Variants in ARL15 observed in about 807,000 individuals in gnomAD.
The protein encoded by ARL15 is ARF like GTPase 15.
In ARL15, 19 loss-of-function variants were observed where a neutral mutation model predicts 25.2. That is an observed-to-expected ratio of 0.75 (90% CI 0.53 to 1.10). ARL15 has a LOEUF of 1.10. Ranked by LOEUF, ARL15 falls within the 50% of genes least tolerant of loss-of-function variation. ARL15 has a pLI of 0.00. For missense variants in ARL15, 220 were observed against 246.0 expected (o/e 0.89, Z 0.71); for synonymous variants, 94 against 86.8 (o/e 1.08, Z -0.46).
chr5:54,160,463 A>C (rs1475679911), intron 2 of ARL15, among the ~76,000 whole-genome samples: 1 of 152,078 alleles, frequency 6.6e-6, no homozygotes, highest in Non-Finnish European at 1.5e-5. Flanking sequence ...ATATTCTCCT[A>C]AGCCTTTAGA....
intron 3 of ARL15, among the ~76,000 whole-genome samples, chr5:54,120,870 G>C (rs1753051895): frequency 6.6e-6 from 1 of 152,278 alleles, no homozygotes; most frequent in South Asian, 2.1e-4. Context: ...GATGAAATAA[G>C]ATCTTTTAAT....
intron 3 of ARL15, among the ~76,000 whole-genome samples, chr5:54,122,508 C>G (rs1206926882): frequency 1.3e-5 from 2 of 152,248 alleles, no homozygotes; most frequent in Non-Finnish European, 1.5e-5. Context: ...TATACATACA[C>G]ATACATATAA....
chr5:54,063,653 T>G (rs2112039742), intron 4 of ARL15, among the ~76,000 whole-genome samples: 1 of 152,360 alleles, frequency 6.6e-6, no homozygotes, highest in African/African-American at 2.4e-5. Flanking sequence ...GTTATTATGT[T>G]TCACTTGAAA....
intron 4 of ARL15, among the ~76,000 whole-genome samples, chr5:54,080,533 C>G (rs2112107624): frequency 6.6e-6 from 1 of 152,068 alleles, no homozygotes; most frequent in African/African-American, 2.4e-5. Context: ...CCCATCGTCC[C>G]CAAGAAGAAA....
At chr5:54,252,603 A>T (rs921054647) in intron 1 of ARL15, among the ~76,000 whole-genome samples, 2 of 152,200 alleles carry the variant, frequency 1.3e-5, no homozygotes, top group Admixed American at 6.5e-5. Flanking sequence ...GATGTCTAAA[A>T]GGAAGAAGCT....
intron 4 of ARL15, among the ~76,000 whole-genome samples, chr5:53,951,328 A>G (rs527364235): frequency 1.1e-4 from 17 of 152,274 alleles, no homozygotes; most frequent in African/African-American, 3.9e-4. Flanking sequence ...TGTTTTGAGT[A>G]TTTGTTTTCT....
chr5:54,285,503 A>G (rs926852012), intron 1 of ARL15: 2 of 176,170 alleles, frequency 1.1e-5, no homozygotes, highest in Non-Finnish European at 2.2e-5. Context: ...AATAAACACA[A>G]TATTCTTTTA....
At chr5:53,934,686 A>G (rs1746301387) in intron 4 of ARL15, among the ~76,000 whole-genome samples, 1 of 152,198 alleles carries the variant, frequency 6.6e-6, no homozygotes, top group African/African-American at 2.4e-5. Context: ...TTCTCTCTAA[A>G]GTTTTTGGAC....
At chr5:54,011,159 G>A (rs1460983057) in intron 4 of ARL15, among the ~76,000 whole-genome samples, 3 of 152,138 alleles carry the variant, frequency 2.0e-5, no homozygotes, top group South Asian at 2.1e-4. Context: ...TCTCTAGAGT[G>A]AAAATAAGTG....
At chr5:54,053,240 CA>C (rs1357451476) in intron 4 of ARL15, among the ~76,000 whole-genome samples, 4 of 135,196 alleles carry the variant, frequency 3.0e-5, no homozygotes, top group African/African-American at 1.5e-4. Context: ...ACAACAACAA[CA>C]AACAACAACA....
chr5:54,072,269 A>G (rs1422588257), intron 4 of ARL15, among the ~76,000 whole-genome samples: 1 of 152,186 alleles, frequency 6.6e-6, no homozygotes, highest in Non-Finnish European at 1.5e-5. Context: ...TTCTCTCCAC[A>G]CACGGGCTTG....
chr5:54,019,534 G>A lies in ARL15; in HGVS notation c.462+93668C>T, dbSNP rs1474641941. On this transcript the variant is annotated intron_variant, in intron 4 of 4. Coordinates refer to ENST00000504924, the MANE Select transcript of ARL15 (RefSeq NM_019087.3). ...GCCTTCAATTAATATCATATTGAAC[G>A]ACAGTTAAGTATGTTGGGGCCATGA... Among the ~76,000 whole-genome samples, 10 of 152,214 alleles carry A rather than the reference G, an allele frequency of 6.6e-5. No individual in the cohort carries two copies. In the East Asian group the frequency reaches 1.2e-3, roughly 18 times the overall value.
At chr5:54,082,860 A>G (rs1443519648) in intron 4 of ARL15, among the ~76,000 whole-genome samples, 1 of 152,208 alleles carries the variant, frequency 6.6e-6, no homozygotes, top group Non-Finnish European at 1.5e-5. Flanking sequence ...TATATTAAGG[A>G]AATAGAGGCT....
intron 3 of ARL15, among the ~76,000 whole-genome samples, chr5:54,145,770 C>G (rs1753890870): frequency 6.6e-6 from 1 of 152,176 alleles, no homozygotes; most frequent in African/African-American, 2.4e-5. Context: ...TGTGAAGTGT[C>G]TAGCATTACT....
chr5:54,250,573 G>A (rs1321993558), intron 1 of ARL15, among the ~76,000 whole-genome samples: 1 of 152,210 alleles, frequency 6.6e-6, no homozygotes, highest in Non-Finnish European at 1.5e-5. Flanking sequence ...AGAAATGAAG[G>A]TCGCTAAGAG....
intron 1 of ARL15, among the ~76,000 whole-genome samples, chr5:54,224,903 G>A (rs1756477600): frequency 6.6e-6 from 1 of 152,226 alleles, no homozygotes; most frequent in Non-Finnish European, 1.5e-5. Flanking sequence ...ACTCAGGTGG[G>A]AACTGAGAAA....
intron 1 of ARL15, among the ~76,000 whole-genome samples, chr5:54,267,108 T>C (rs1008029608): frequency 3.3e-5 from 5 of 152,158 alleles, no homozygotes; most frequent in African/African-American, 7.2e-5. Context: ...TTTGTTCGTT[T>C]TGAATTGGGG....
intron 2 of ARL15, among the ~76,000 whole-genome samples, chr5:54,158,805 A>C (rs1754316997): frequency 6.6e-6 from 1 of 152,170 alleles, no homozygotes; most frequent in African/African-American, 2.4e-5. Flanking sequence ...CCCGGGAGGC[A>C]GAGGTTACAG....
intron 4 of ARL15, among the ~76,000 whole-genome samples, chr5:53,983,626 T>A (rs1482968473): frequency 1.4e-4 from 21 of 152,214 alleles, no homozygotes; most frequent in Non-Finnish European, 2.4e-4. Flanking sequence ...TAAATTGGTC[T>A]ACTTTCTTTA....
Sources: allele counts gnomAD v4.1 joint callset (sites outside exome capture counted in the v4.1 genomes callset), GRCh38; gene constraint gnomAD v4.1.1; transcripts MANE v1.5; gene names NCBI Gene and HGNC (gene_info 2026-07-23, HGNC 2026-07-21).